Variants in TENM1 observed in about 807,000 individuals in gnomAD.
TENM1 encodes teneurin transmembrane protein 1.
TENM1 carries 35 observed loss-of-function variants against 174.8 expected under a neutral mutation model. That is an observed-to-expected ratio of 0.20 (90% CI 0.15 to 0.27). The LOEUF (loss-of-function observed/expected upper bound fraction) is 0.27, where lower values mean the gene tolerates loss of function less well. Ranked by LOEUF, TENM1 falls within the 10% of genes least tolerant of loss-of-function variation. The pLI is 1.00. For synonymous variants in TENM1, 781 were observed against 798.7 expected, an observed-to-expected ratio of 0.98 and a Z score of 0.37; for missense variants, 1,633 against 2,130.1, an observed-to-expected ratio of 0.77 and a Z score of 4.59.
At chrX:124,613,401 C>CAA (rs3216398) in intron 11 of TENM1, among the ~76,000 whole-genome samples, 1 of 101,087 alleles carries the variant, frequency 9.9e-6, no homozygotes. Context: ...ATTCTGAATA[C>CAA]AAAAAAAAAA....
chrX:125,040,155 A>G, the TENM1 span, among the ~76,000 whole-genome samples: 10 of 111,486 alleles, frequency 9.0e-5, no homozygotes, highest in African/African-American at 3.2e-4. Flanking sequence ...TCAACTATTA[A>G]ATTATTTACT....
At chrX:124,946,468 C>T (rs2058404633) in intron 1 of TENM1, among the ~76,000 whole-genome samples, 1 of 111,353 alleles carries the variant, frequency 9.0e-6, no homozygotes, top group Admixed American at 9.6e-5. Flanking sequence ...GGTCTGAAGG[C>T]TGGATTCTCA....
the TENM1 span, among the ~76,000 whole-genome samples, chrX:125,139,858 G>GGA: frequency 0.014 from 1,223 of 89,867 alleles, 27 homozygotes; most frequent in African/African-American, 0.029. Flanking sequence ...ACACACACAC[G>GGA]GAGAGAGAGA....
At chrX:124,678,157 G>A (rs1282690757) in intron 5 of TENM1, among the ~76,000 whole-genome samples, 1 of 110,689 alleles carries the variant, frequency 9.0e-6, no homozygotes, top group African/African-American at 3.3e-5. Context: ...TTTACATCCT[G>A]GGAATTAGGA....
chrX:124,772,954 T>C (rs1365111651), intron 3 of TENM1, among the ~76,000 whole-genome samples: 1 of 111,679 alleles, frequency 9.0e-6, no homozygotes, highest in Admixed American at 9.5e-5. Context: ...AATAAAACTT[T>C]ATAACTTACG....
chrX:124,995,266 T>C, the TENM1 span, among the ~76,000 whole-genome samples: 1 of 111,251 alleles, frequency 9.0e-6, no homozygotes, highest in Non-Finnish European at 1.9e-5. Flanking sequence ...GGTATAATAA[T>C]ACAGTTTATA....
chrX:124,653,444 T>C, intron 7 of TENM1, 140 bp downstream of exon 10: 1 of 468,072 alleles, frequency 2.1e-6, no homozygotes, highest in Non-Finnish European at 3.6e-6. Context: ...TTCAGTGTAA[T>C]TATTCTGGAT....
intron 8 of TENM1, among the ~76,000 whole-genome samples, chrX:124,650,200 CAAAAAAAAAAAAAAAAAA>C (rs755570562): frequency 1.6e-4 from 4 of 24,844 alleles, no homozygotes; most frequent in African/African-American, 1.9e-4. Context: ...AAACTGTCTC[CAAAAAAAAAAAAAAAAAA>C]AAAAAAAAAA....
intron 15 of TENM1, among the ~76,000 whole-genome samples, chrX:124,531,399 T>C (rs73550489): frequency 0.012 from 1,280 of 111,127 alleles, 14 homozygotes; most frequent in African/African-American, 0.039. Flanking sequence ...GAGTTGGTTG[T>C]ATATGTTTTA....
the TENM1 span, among the ~76,000 whole-genome samples, chrX:125,153,478 A>G: frequency 8.9e-6 from 1 of 112,427 alleles, no homozygotes; most frequent in Admixed American, 9.4e-5. Flanking sequence ...AATTACAGAA[A>G]GTTAATAATC....
At chrX:124,647,284 ATTCAGTAT>A (rs1290003231) in intron 8 of TENM1, among the ~76,000 whole-genome samples, 1 of 112,077 alleles carries the variant, frequency 8.9e-6, no homozygotes, top group Non-Finnish European at 1.9e-5. Flanking sequence ...TAAATATGAT[ATTCAGTAT>A]TTCATTTTCA....
intron 6 of TENM1, among the ~76,000 whole-genome samples, chrX:124,669,655 C>T (rs1306245386): frequency 9.0e-6 from 1 of 110,936 alleles, no homozygotes; most frequent in African/African-American, 3.3e-5. Flanking sequence ...AGGTTTTGTT[C>T]AGGCTTCCAG....
intron 6 of TENM1, among the ~76,000 whole-genome samples, chrX:124,655,261 T>C (rs1185111684): frequency 1.8e-5 from 2 of 111,582 alleles, no homozygotes; most frequent in Non-Finnish European, 3.8e-5. Context: ...TGAGGGAGGA[T>C]GTTGAGTTTG....
intron 23 of TENM1, among the ~76,000 whole-genome samples, chrX:124,435,759 C>G (rs912222446): frequency 1.8e-5 from 2 of 111,714 alleles, no homozygotes; most frequent in African/African-American, 6.5e-5. Context: ...TTGCCCACCA[C>G]TTCCCTGTGT....
At chrX:124,644,218 T>C in intron 10 of TENM1, among the ~76,000 whole-genome samples, 1 of 102,779 alleles carries the variant, frequency 9.7e-6, no homozygotes, top group Admixed American at 1.1e-4. Flanking sequence ...TACATATATA[T>C]ATATATATGG....
At chrX:124,722,316 T>C (rs1452435085) in intron 4 of TENM1, among the ~76,000 whole-genome samples, 2 of 111,923 alleles carry the variant, frequency 1.8e-5, no homozygotes, top group South Asian at 3.7e-4. Context: ...AAGTATCTTC[T>C]TCAGTAACAA....
intron 3 of TENM1, among the ~76,000 whole-genome samples, chrX:124,797,371 G>A (rs1201495398): frequency 9.0e-6 from 1 of 111,438 alleles, no homozygotes; most frequent in Non-Finnish European, 1.9e-5. Flanking sequence ...TGGATTTTAG[G>A]ATACCTTCTT....
intron 23 of TENM1, among the ~76,000 whole-genome samples, chrX:124,423,110 C>T (rs997687626): frequency 2.7e-5 from 3 of 112,115 alleles, no homozygotes; most frequent in Non-Finnish European, 1.9e-5. Context: ...GTCCTGTAGA[C>T]GTATAGGAGA....
chrX:124,810,236 A>C (rs1463112773), intron 3 of TENM1, among the ~76,000 whole-genome samples: 1 of 111,906 alleles, frequency 8.9e-6, no homozygotes, highest in East Asian at 2.8e-4. Context: ...AGTAGAAATA[A>C]ATAAAAGGCA....
Sources: allele counts gnomAD v4.1 joint callset (sites outside exome capture counted in the v4.1 genomes callset), GRCh38; gene constraint gnomAD v4.1.1; transcripts MANE v1.5; gene names NCBI Gene and HGNC (gene_info 2026-07-23, HGNC 2026-07-21).